Variants in ABTB3 observed in about 807,000 individuals in gnomAD.
ABTB3 encodes ankyrin repeat- and BTB/POZ domain-containing protein 3.
At chr12:107,622,225 G>T in the ABTB3 span, among the ~76,000 whole-genome samples, 1 of 152,210 alleles carries the variant, frequency 6.6e-6, no homozygotes, top group African/African-American at 2.4e-5. Context: ...CTGGCCGGGG[G>T]TGGGAGCGGG....
At chr12:107,549,845 C>A in the ABTB3 span, among the ~76,000 whole-genome samples, 2 of 152,124 alleles carry the variant, frequency 1.3e-5, no homozygotes, top group Non-Finnish European at 2.9e-5. Flanking sequence ...TATTGACTCT[C>A]GTAACTAGCT....
the ABTB3 span, among the ~76,000 whole-genome samples, chr12:107,511,206 T>G: frequency 6.6e-6 from 1 of 152,172 alleles, no homozygotes; most frequent in Non-Finnish European, 1.5e-5. Context: ...CTGGAACAAC[T>G]AAATTCTACA....
At chr12:107,407,759 C>G in the ABTB3 span, among the ~76,000 whole-genome samples, 1 of 152,160 alleles carries the variant, frequency 6.6e-6, no homozygotes, top group Non-Finnish European at 1.5e-5. Flanking sequence ...ATTGGGCCTC[C>G]TGAGAACCCC....
At chr12:107,411,125 C>T in the ABTB3 span, among the ~76,000 whole-genome samples, 20 of 152,184 alleles carry the variant, frequency 1.3e-4, no homozygotes, top group Admixed American at 1.3e-3. Flanking sequence ...CATGGCAAAA[C>T]CCCGTCTCTA....
chr12:107,624,133 A>G, the ABTB3 span, among the ~76,000 whole-genome samples: 4 of 151,934 alleles, frequency 2.6e-5, no homozygotes, highest in Admixed American at 6.5e-5. Flanking sequence ...CTTTTCTTCT[A>G]TGTGTAATGA....
At chr12:107,558,425 C>A in the ABTB3 span, among the ~76,000 whole-genome samples, 2 of 152,136 alleles carry the variant, frequency 1.3e-5, no homozygotes, top group Non-Finnish European at 2.9e-5. Flanking sequence ...TTGATCGGTG[C>A]CTGAGCCTTA....
chr12:107,609,908 A>C, the ABTB3 span: 4 of 381,810 alleles, frequency 1.0e-5, no homozygotes, highest in African/African-American at 8.1e-5. Context: ...CAAAGAGCTT[A>C]GCAAGAGTGC....
At chr12:107,576,853 A>G in the ABTB3 span, among the ~76,000 whole-genome samples, 11 of 152,142 alleles carry the variant, frequency 7.2e-5, no homozygotes, top group Non-Finnish European at 1.5e-4. Context: ...TCAAGCATCC[A>G]ACCATGACCT....
chr12:107,413,496 A>T, the ABTB3 span, among the ~76,000 whole-genome samples: 1 of 152,308 alleles, frequency 6.6e-6, no homozygotes, highest in Admixed American at 6.5e-5. Flanking sequence ...TGAAAGAGAC[A>T]GCGAAGGGGA....
the ABTB3 span, among the ~76,000 whole-genome samples, chr12:107,641,267 A>T: frequency 6.6e-6 from 1 of 152,200 alleles, no homozygotes; most frequent in African/African-American, 2.4e-5. Context: ...GTTTTCAGTC[A>T]TGACAGCATA....
At chr12:107,570,270 A>G in the ABTB3 span, among the ~76,000 whole-genome samples, 1 of 152,032 alleles carries the variant, frequency 6.6e-6, no homozygotes, top group Non-Finnish European at 1.5e-5. Context: ...GCTGGAGTGC[A>G]GTGGTGCAAT....
the ABTB3 span, among the ~76,000 whole-genome samples, chr12:107,555,939 G>T: frequency 6.6e-6 from 1 of 152,178 alleles, no homozygotes; most frequent in Non-Finnish European, 1.5e-5. Context: ...TATGCCACAT[G>T]ACTGTGTTTT....
the ABTB3 span, among the ~76,000 whole-genome samples, chr12:107,503,417 G>T: frequency 2.0e-5 from 3 of 152,072 alleles, no homozygotes; most frequent in Non-Finnish European, 2.9e-5. Flanking sequence ...CCTGGGGACT[G>T]CCCTCCAGGG....
At chr12:107,410,844 A>T in the ABTB3 span, among the ~76,000 whole-genome samples, 1 of 152,150 alleles carries the variant, frequency 6.6e-6, no homozygotes, top group Non-Finnish European at 1.5e-5. Context: ...AAGAGATGCT[A>T]ATCAAATAGT....
chr12:107,508,129 T>G, the ABTB3 span, among the ~76,000 whole-genome samples: 1 of 151,694 alleles, frequency 6.6e-6, no homozygotes, highest in Admixed American at 6.6e-5. Flanking sequence ...GATGTATAGA[T>G]GAATAGATAG....
chr12:107,654,828 A>ACACACACACACACACACG, the ABTB3 span, among the ~76,000 whole-genome samples: 2 of 145,560 alleles, frequency 1.4e-5, no homozygotes, highest in Middle Eastern at 3.6e-3. Flanking sequence ...ACACACACAC[A>ACACACACACACACACACG]CACACACACA....
the ABTB3 span, among the ~76,000 whole-genome samples, chr12:107,494,246 C>G: frequency 6.6e-6 from 1 of 152,154 alleles, no homozygotes; most frequent in Non-Finnish European, 1.5e-5. Flanking sequence ...CACTGTGGGG[C>G]TCCCAGGTCA....
At chr12:107,610,447 G>A in the ABTB3 span, 1 of 1,476,678 alleles carries the variant, frequency 6.8e-7, no homozygotes, top group South Asian at 1.2e-5. Context: ...CCCCTCTGCA[G>A]GCGCTGGGCA....
chr12:107,538,702 AG>A, the ABTB3 span, among the ~76,000 whole-genome samples: 14 of 152,246 alleles, frequency 9.2e-5, no homozygotes, highest in Middle Eastern at 3.4e-3. Context: ...TCATTTATGC[AG>A]GTTGACCATC....
Sources: gnomAD v4.1 joint callset for allele counts (sites outside exome capture counted in the v4.1 genomes callset) on GRCh38, gnomAD v4.1.1 for gene constraint, MANE v1.5 for transcripts, NCBI Gene and HGNC (gene_info 2026-07-23, HGNC 2026-07-21) for gene names.